HHAT: variants seen among roughly 807,000 people sequenced by gnomAD.
The protein encoded by HHAT is protein-cysteine N-palmitoyltransferase HHAT.
A neutral mutation model predicts 70.8 loss-of-function variants in HHAT; 47 were observed. That is an observed-to-expected ratio of 0.66 (90% confidence interval 0.53 to 0.85). The LOEUF (loss-of-function observed/expected upper bound fraction) is 0.85, where lower values mean the gene tolerates loss of function less well. Among genes scored for constraint, HHAT ranks in the 40% least tolerant of loss-of-function variants. The pLI is 0.00. For missense variants in HHAT, 609 were observed against 604.8 expected, an observed-to-expected ratio of 1.01 and a Z score of -0.07; for synonymous variants, 228 against 247.6, an observed-to-expected ratio of 0.92 and a Z score of 0.74.
At chr1:210,562,426 T>C (rs946998703) in intron 9 of HHAT, among the ~76,000 whole-genome samples, 5 of 149,256 alleles carry the variant, frequency 3.3e-5, no homozygotes, top group African/African-American at 1.2e-4. Flanking sequence ...AATTTTGAAT[T>C]TGCTGCAGAT....
At chr1:210,640,824 C>T (rs983480424) in intron 11 of HHAT, among the ~76,000 whole-genome samples, 6 of 152,100 alleles carry the variant, frequency 3.9e-5, no homozygotes, top group African/African-American at 1.2e-4. Flanking sequence ...CTTAGGTGGA[C>T]ACGATTATGG....
chr1:210,516,577 A>C (rs2095060952), intron 9 of HHAT, among the ~76,000 whole-genome samples: 2 of 152,186 alleles, frequency 1.3e-5, no homozygotes, highest in Admixed American at 1.3e-4. Context: ...TATAATGGAC[A>C]AGAGAAGAAA....
intron 9 of HHAT, among the ~76,000 whole-genome samples, chr1:210,547,180 T>C (rs1360766086): frequency 6.6e-6 from 1 of 152,000 alleles, no homozygotes; most frequent in Non-Finnish European, 1.5e-5. Context: ...AAATACAAAA[T>C]TATCTGGGTG....
At chr1:210,480,492 C>G (rs1207720079) in intron 8 of HHAT, among the ~76,000 whole-genome samples, 3 of 152,210 alleles carry the variant, frequency 2.0e-5, no homozygotes, top group African/African-American at 7.2e-5. Context: ...TGTAATGAAG[C>G]TGCTGCTTAC....
At chr1:210,438,517 G>A (rs2093431646) in intron 7 of HHAT, among the ~76,000 whole-genome samples, 1 of 151,772 alleles carries the variant, frequency 6.6e-6, no homozygotes, top group Non-Finnish European at 1.5e-5. Context: ...ATATATGTAT[G>A]TTTATTTCTG....
chr1:210,332,545 A>G (rs1457660383), intron 1 of HHAT, among the ~76,000 whole-genome samples: 1 of 152,278 alleles, frequency 6.6e-6, no homozygotes, highest in Admixed American at 6.5e-5. Flanking sequence ...TCTTAGCTTT[A>G]GCAATACGGT....
intron 1 of HHAT, among the ~76,000 whole-genome samples, chr1:210,347,974 T>G (rs1437526451): frequency 6.6e-6 from 1 of 152,118 alleles, no homozygotes; most frequent in East Asian, 1.9e-4. Context: ...AAATTTTAAT[T>G]GATGTGTAAG....
At chr1:210,343,738 A>G (rs1039143562) in intron 1 of HHAT, among the ~76,000 whole-genome samples, 1 of 152,116 alleles carries the variant, frequency 6.6e-6, no homozygotes, top group Non-Finnish European at 1.5e-5. Context: ...CAGAAGAGGA[A>G]TGAGACATTA....
chr1:210,368,718 T>C (rs536531613), intron 3 of HHAT, among the ~76,000 whole-genome samples: 1 of 152,260 alleles, frequency 6.6e-6, no homozygotes, highest in East Asian at 1.9e-4. Flanking sequence ...ACACAATACC[T>C]GTTACTGTGG....
intron 11 of HHAT, among the ~76,000 whole-genome samples, chr1:210,639,135 C>T (rs916936681): frequency 7.9e-5 from 12 of 152,128 alleles, no homozygotes; most frequent in Non-Finnish European, 1.8e-4. Context: ...TCCATTTTAT[C>T]CATTCATCCA....
chr1:210,425,869 T>A (rs1572354053), intron 7 of HHAT, among the ~76,000 whole-genome samples: 1 of 152,298 alleles, frequency 6.6e-6, no homozygotes, highest in South Asian at 2.1e-4. Context: ...TTTTTTCTAG[T>A]TCTGTGAAGA....
intron 9 of HHAT, among the ~76,000 whole-genome samples, chr1:210,577,636 G>GTTTTTTTTT (rs1558198901): frequency 4.3e-5 from 4 of 93,440 alleles, no homozygotes; most frequent in Non-Finnish European, 9.2e-5. Flanking sequence ...TGGCCTGTAG[G>GTTTTTTTTT]ATTTTTTTTT....
At chr1:210,572,467 C>T (rs1403054022) in intron 9 of HHAT, among the ~76,000 whole-genome samples, 1 of 152,136 alleles carries the variant, frequency 6.6e-6, no homozygotes, top group Admixed American at 6.5e-5. Context: ...GGTATTGAAA[C>T]CCACCTGTGG....
chr1:210,667,909 G>A (rs1278408256), intron 11 of HHAT, among the ~76,000 whole-genome samples: 6 of 151,984 alleles, frequency 3.9e-5, no homozygotes, highest in African/African-American at 7.2e-5. Flanking sequence ...ATCACCATCC[G>A]TCTCGAGTTT....
chr1:210,446,724 C>G (rs576955612), intron 7 of HHAT, among the ~76,000 whole-genome samples: 1 of 152,226 alleles, frequency 6.6e-6, no homozygotes, highest in Non-Finnish European at 1.5e-5. Context: ...TCTTGCCTTT[C>G]GTCATCATAT....
At chr1:210,649,818 G>A (rs1674774378) in intron 11 of HHAT, among the ~76,000 whole-genome samples, 1 of 152,202 alleles carries the variant, frequency 6.6e-6, no homozygotes. Context: ...GGTTTATAGG[G>A]CAGCAGCTTC....
At chr1:210,530,240 C>T (rs369440385) in intron 9 of HHAT, among the ~76,000 whole-genome samples, 2 of 151,872 alleles carry the variant, frequency 1.3e-5, no homozygotes, top group Non-Finnish European at 2.9e-5. Context: ...AAACAGTAAC[C>T]GTCCCAATAA....
chr1:210,448,270 C>T (rs908138452), intron 7 of HHAT, among the ~76,000 whole-genome samples: 6 of 151,936 alleles, frequency 3.9e-5, no homozygotes, highest in East Asian at 3.9e-4. Flanking sequence ...TTAGTAGAGA[C>T]GGGGTTTCAC....
At position 210,513,135 on chromosome 1, in the gene HHAT, T is replaced by C. The variant is rs368677214; in HGVS notation, c.1008-18T>C. ...AATATCTTTTATTGATATGCTTGTC[T>C]ATGTCTCTTTTGAACAGGTATTTTG... On this transcript the variant is annotated intron_variant, in intron 8 of 11. Transcript: ENST00000261458. The C allele has an allele frequency of 8.8e-6, 13 of 1,470,106 alleles. No homozygotes were observed. The highest frequency in any genetic ancestry group is 1.2e-5 in the Non-Finnish European group (13 of 1,058,216). 91.1% of individuals were successfully genotyped at this position (1,470,106 alleles called of 1,614,324 possible). A position where few individuals can be genotyped will look rare whatever the true frequency, so the allele number is the denominator to read the frequency against.
Sources: gnomAD v4.1 joint callset for allele counts (sites outside exome capture counted in the v4.1 genomes callset) on GRCh38, gnomAD v4.1.1 for gene constraint, MANE v1.5 for transcripts, NCBI Gene and HGNC (gene_info 2026-07-23, HGNC 2026-07-21) for gene names.